The following ZBTB7C variants were observed in gnomAD, a reference collection of about 807,000 sequenced individuals.
The protein encoded by ZBTB7C is zinc finger and BTB domain containing 7C.
In ZBTB7C, 8 loss-of-function variants were observed where a neutral mutation model predicts 25.7. The ratio of observed to expected loss-of-function variants is 0.31; its 90% confidence interval spans 0.18 to 0.56. The LOEUF (loss-of-function observed/expected upper bound fraction) is 0.56, where lower values mean the gene tolerates loss of function less well. Among genes scored for constraint, ZBTB7C ranks in the 20% least tolerant of loss-of-function variants. The pLI is 0.91. For missense variants in ZBTB7C, 824 were observed against 855.2 expected, an observed-to-expected ratio of 0.96 and a Z score of 0.46; for synonymous variants, 394 against 369.0, an observed-to-expected ratio of 1.07 and a Z score of -0.78.
At chr18:48,352,087 G>T (rs1049557014) in intron 1 of ZBTB7C, among the ~76,000 whole-genome samples, 1 of 152,156 alleles carries the variant, frequency 6.6e-6, no homozygotes, top group Non-Finnish European at 1.5e-5. Flanking sequence ...GCCAGGACTC[G>T]CAGGTGCCTT....
At chr18:48,276,891 G>T (rs764787357) in intron 2 of ZBTB7C, among the ~76,000 whole-genome samples, 5,425 of 115,504 alleles carry the variant, frequency 0.047, 172 homozygotes, top group Non-Finnish European at 0.068. Context: ...CTTCCACAAT[G>T]GTTGAACTAG....
At chr18:48,379,604 A>T (rs540142554) in intron 1 of ZBTB7C, among the ~76,000 whole-genome samples, 1 of 152,318 alleles carries the variant, frequency 6.6e-6, no homozygotes, top group African/African-American at 2.4e-5. Flanking sequence ...GGTTTTTGAC[A>T]GAAAAAAATT....
chr18:48,258,648 C>G (rs1018860496), intron 2 of ZBTB7C, among the ~76,000 whole-genome samples: 3 of 152,118 alleles, frequency 2.0e-5, no homozygotes, highest in African/African-American at 7.2e-5. Flanking sequence ...CAATCCCAAT[C>G]AAAATCCCAG....
chr18:48,378,692 A>AT (rs2047574060), intron 1 of ZBTB7C, among the ~76,000 whole-genome samples: 1 of 152,206 alleles, frequency 6.6e-6, no homozygotes, highest in African/African-American at 2.4e-5. Flanking sequence ...AAGAAAAAAA[A>AT]CTTAAAAAAA....
chr18:48,171,127 C>T (rs1049421943), intron 3 of ZBTB7C, among the ~76,000 whole-genome samples: 2 of 152,228 alleles, frequency 1.3e-5, no homozygotes, highest in African/African-American at 2.4e-5. Flanking sequence ...GAAGATGGCA[C>T]CAGGTCTCAC....
At chr18:48,259,154 T>C (rs1375031566) in intron 2 of ZBTB7C, among the ~76,000 whole-genome samples, 1 of 152,188 alleles carries the variant, frequency 6.6e-6, no homozygotes, top group Non-Finnish European at 1.5e-5. Flanking sequence ...TTCACCATGT[T>C]GCCCAGGCTG....
Position 48,084,247 on chromosome 18 carries a change from G to T in ZBTB7C, c.-16-43124C>A, listed in dbSNP as rs1485802092. Among the ~76,000 whole-genome samples, 3 of 152,198 alleles carry T rather than the reference G, an allele frequency of 2.0e-5. No individual in the cohort carries two copies. In the East Asian group the frequency reaches 5.8e-4, roughly 29 times the overall value. On this transcript the variant is annotated intron_variant, in intron 3 of 4. Coordinates refer to ENST00000590800, the MANE Select transcript of ZBTB7C (RefSeq NM_001318841.2). ...GGGTCAGAGGAAGGCGGGGCAGTGG[G>T]GAGCAAAGATCAGGGGCCAGAGGTC...
intron 1 of ZBTB7C, among the ~76,000 whole-genome samples, chr18:48,368,814 T>C (rs2047317072): frequency 2.5e-4 from 2 of 8,096 alleles, no homozygotes; most frequent in African/African-American, 1.7e-3. Flanking sequence ...AGAAATCCTA[T>C]TTCCAGTGAA....
At chr18:48,226,491 A>G (rs756259288) in intron 2 of ZBTB7C, among the ~76,000 whole-genome samples, 1 of 152,226 alleles carries the variant, frequency 6.6e-6, no homozygotes, top group African/African-American at 2.4e-5. Context: ...CTGTAGAGGT[A>G]TTTAAGGCTA....
At chr18:48,312,214 G>A (rs2045837732) in intron 2 of ZBTB7C, among the ~76,000 whole-genome samples, 1 of 152,180 alleles carries the variant, frequency 6.6e-6, no homozygotes, top group Non-Finnish European at 1.5e-5. Context: ...CTTGCTACCA[G>A]CTGGCCAACT....
intron 1 of ZBTB7C, among the ~76,000 whole-genome samples, chr18:48,344,708 C>G (rs555258818): frequency 6.6e-6 from 1 of 152,292 alleles, no homozygotes; most frequent in Admixed American, 6.5e-5. Flanking sequence ...AATGCAGCAA[C>G]ACAGAAGAAT....
chr18:48,260,300 A>T (rs1228771675), intron 2 of ZBTB7C, among the ~76,000 whole-genome samples: 1 of 152,228 alleles, frequency 6.6e-6, no homozygotes, highest in Non-Finnish European at 1.5e-5. Flanking sequence ...AATAATCTGT[A>T]ATGACAGAAA....
chr18:48,148,269 A>G (rs1172795172), intron 3 of ZBTB7C: 1 of 150,448 alleles, frequency 6.6e-6, no homozygotes, highest in African/African-American at 2.4e-5. Context: ...TCAGCCTCCC[A>G]AAGTGTTGGG....
chr18:48,115,271 C>T (rs999737350), intron 3 of ZBTB7C, among the ~76,000 whole-genome samples: 12 of 150,614 alleles, frequency 8.0e-5, no homozygotes, highest in Non-Finnish European at 1.3e-4. Context: ...TTTTTTTAGA[C>T]GGAGTCTTGC....
rs75714754 is a variant in ZBTB7C, at chr18:48,329,980, C to T, written c.-79+8194G>A. On this transcript the variant is annotated intron_variant, in intron 2 of 4. Transcript: ENST00000590800. ...AAGGCTCAGGGAGACTGTCACCTTC[C>T]CCGAGTGGCAGAGCCAGAACTCAAC... is the stretch of plus-strand genomic sequence containing the variant. Among the ~76,000 whole-genome samples the T allele has an allele frequency of 3.9e-3, 591 of 152,322 alleles. 2 individuals carry two copies. Among genetic ancestry groups the T allele is most frequent in the Middle Eastern group, 0.01 (3 of 294 alleles).
At chr18:48,296,249 G>A (rs1395740952) in intron 2 of ZBTB7C, among the ~76,000 whole-genome samples, 1 of 152,106 alleles carries the variant, frequency 6.6e-6, no homozygotes, top group Non-Finnish European at 1.5e-5. Context: ...GGATGGGGAG[G>A]GGGCATCCCA....
Position 48,348,989 on chromosome 18 carries a change from G to C in ZBTB7C, c.-303-10591C>G, listed in dbSNP as rs562798510. ...CACACACACATGCATCTGGCCAAGG[G>C]AAAAAGCCCTGAGGGACAGATGGGA... On this transcript the variant is annotated intron_variant, in intron 1 of 4. Coordinates refer to ENST00000590800, the MANE Select transcript of ZBTB7C (RefSeq NM_001318841.2). 4.6e-5 allele frequency among the ~76,000 whole-genome samples: 7 copies of C among 152,286 alleles called. No individual in the cohort carries two copies. In the South Asian group the frequency reaches 1.2e-3, roughly 27 times the overall value.
intron 2 of ZBTB7C, among the ~76,000 whole-genome samples, chr18:48,242,333 C>T (rs549754536): frequency 4.6e-5 from 7 of 152,260 alleles, no homozygotes; most frequent in Admixed American, 4.6e-4. Flanking sequence ...GGAATCCTCC[C>T]TAAATCATCC....
intron 2 of ZBTB7C, among the ~76,000 whole-genome samples, chr18:48,286,278 T>C (rs957804461): frequency 6.6e-6 from 1 of 151,558 alleles, no homozygotes; most frequent in Non-Finnish European, 1.5e-5. Flanking sequence ...ATTAGTTCTT[T>C]GTCAGCTGGA....
Sources: allele counts gnomAD v4.1 joint callset (sites outside exome capture counted in the v4.1 genomes callset), GRCh38; gene constraint gnomAD v4.1.1; transcripts MANE v1.5; gene names NCBI Gene and HGNC (gene_info 2026-07-23, HGNC 2026-07-21).